CAMTA1: variants seen among roughly 807,000 people sequenced by gnomAD.
The protein encoded by CAMTA1 is calmodulin binding transcription activator 1.
In CAMTA1, 27 loss-of-function variants were observed where a neutral mutation model predicts 170.9. The ratio of observed to expected loss-of-function variants is 0.16; its 90% CI spans 0.12 to 0.22. CAMTA1 has a LOEUF of 0.22. Among genes scored for constraint, CAMTA1 ranks in the 10% least tolerant of loss-of-function variants. The pLI is 1.00. For synonymous variants in CAMTA1, 833 were observed against 891.5 expected (o/e 0.93, Z 1.17); for missense variants, 1,619 against 2,217.2 (o/e 0.73, Z 5.42).
intron 6 of CAMTA1, among the ~76,000 whole-genome samples, chr1:7,591,042 G>T (rs570761075): frequency 2.0e-5 from 3 of 152,166 alleles, no homozygotes; most frequent in Non-Finnish European, 4.4e-5. Flanking sequence ...ACTGACACTG[G>T]GTTCTCTGCG....
chr1:7,467,741 C>A (rs780865743), intron 5 of CAMTA1, 89 bp from the exon 6 acceptor site: 8 of 1,228,172 alleles, frequency 6.5e-6, no homozygotes, highest in Non-Finnish European at 7.2e-6. Flanking sequence ...CGGCTGTGGC[C>A]CCTTCTTGCT....
chr1:7,068,455 T>C (rs1040665786), intron 3 of CAMTA1, among the ~76,000 whole-genome samples: 8 of 152,040 alleles, frequency 5.3e-5, no homozygotes, highest in Non-Finnish European at 4.4e-5. Flanking sequence ...TGAGAAATTA[T>C]TGAAAGCCAA....
intron 21 of CAMTA1, among the ~76,000 whole-genome samples, chr1:7,753,356 C>T (rs1232093700): frequency 3.3e-5 from 5 of 152,292 alleles, no homozygotes; most frequent in South Asian, 4.1e-4. Context: ...TGCGGCCATC[C>T]GAGCTGGGTG....
At position 7,128,718 on chromosome 1, in the gene CAMTA1, G is replaced by A. The variant is rs188182063; in HGVS notation, c.302+37347G>A. ...CACCCAGGCTGGAGTGCAGTGGCAC[G>A]ATCTCAGCTCACTGCAGTCTCTGCC... On this transcript the variant is annotated intron_variant, in intron 4 of 22. Coordinates refer to ENST00000303635, the MANE Select transcript of CAMTA1 (RefSeq NM_015215.4). Among the ~76,000 whole-genome samples the A allele has an allele frequency of 2.3e-4, 35 of 151,236 alleles. 1 individual carries two copies. Among genetic ancestry groups the A allele is most frequent in the Admixed American group, 2.0e-3 (31 of 15,202 alleles).
intron 5 of CAMTA1, among the ~76,000 whole-genome samples, chr1:7,460,352 C>T (rs1043713960): frequency 5.3e-5 from 8 of 152,210 alleles, no homozygotes; most frequent in African/African-American, 1.4e-4. Flanking sequence ...CCTGCCCCCT[C>T]GGTACTCTGC....
At chr1:7,418,144 C>A (rs1158455692) in intron 5 of CAMTA1, among the ~76,000 whole-genome samples, 1 of 152,124 alleles carries the variant, frequency 6.6e-6, no homozygotes, top group African/African-American at 2.4e-5. Context: ...TTTCTCCCCG[C>A]TCTGGGATTC....
chr1:7,129,126 C>T (rs1340992814), intron 4 of CAMTA1, among the ~76,000 whole-genome samples: 1 of 152,118 alleles, frequency 6.6e-6, no homozygotes, highest in African/African-American at 2.4e-5. Flanking sequence ...GCATGAGCCA[C>T]CACGCCCAGC....
At chr1:7,100,690 T>C (rs1041828732) in intron 4 of CAMTA1, among the ~76,000 whole-genome samples, 1 of 152,220 alleles carries the variant, frequency 6.6e-6, no homozygotes, top group Non-Finnish European at 1.5e-5. Flanking sequence ...GGCGCTGGCC[T>C]CCTGTCCACC....
chr1:7,634,018 G>A lies in CAMTA1; in HGVS notation c.511-6382G>A, dbSNP rs1229217333. Among the ~76,000 whole-genome samples, 6 of 152,192 alleles carry A rather than the reference G, an allele frequency of 3.9e-5. No individual in the cohort carries two copies. The highest frequency in any genetic ancestry group is 6.5e-5 in the Admixed American group (1 of 15,282). ...GAGCCAGGTGCATGAGGCAGGCAGC[G>A]GCCAGCAAGAAGCACAGGTGGCCCG... is the stretch of plus-strand genomic sequence containing the variant. On this transcript the variant is annotated intron_variant, in intron 6 of 22. Transcript: ENST00000303635. The surrounding 1 kb of genome is among the most constrained non-coding windows in gnomAD (Gnocchi z 6.2).
chr1:7,558,723 C>G (rs770125426), intron 6 of CAMTA1, among the ~76,000 whole-genome samples: 7 of 152,230 alleles, frequency 4.6e-5, no homozygotes, highest in East Asian at 1.9e-4. Context: ...TCCGCCACCC[C>G]CTGTGTCTGC....
intron 6 of CAMTA1, among the ~76,000 whole-genome samples, chr1:7,527,010 C>G (rs1026941859): frequency 1.3e-5 from 2 of 152,122 alleles, no homozygotes; most frequent in East Asian, 3.9e-4. Flanking sequence ...TCTCCACCCC[C>G]ACGGCTATCA....
At chr1:6,960,238 A>C (rs1690136272) in intron 3 of CAMTA1, among the ~76,000 whole-genome samples, 1 of 152,190 alleles carries the variant, frequency 6.6e-6, no homozygotes, top group African/African-American at 2.4e-5. Context: ...AGGGGCAGAG[A>C]CCAGAGGAGT....
intron 3 of CAMTA1, among the ~76,000 whole-genome samples, chr1:7,023,597 C>T (rs1411598517): frequency 6.6e-6 from 1 of 151,942 alleles, no homozygotes; most frequent in Non-Finnish European, 1.5e-5. Flanking sequence ...TGGGATGAAA[C>T]AAGTGGTTTT....
At chr1:7,702,479 C>T (rs1324179787) in intron 11 of CAMTA1, among the ~76,000 whole-genome samples, 4 of 152,154 alleles carry the variant, frequency 2.6e-5, no homozygotes, top group Non-Finnish European at 4.4e-5. Flanking sequence ...CTTTAGAGTA[C>T]AGAGGCAGGC....
intron 6 of CAMTA1, among the ~76,000 whole-genome samples, chr1:7,537,831 C>T (rs769001126): frequency 5.3e-5 from 8 of 152,246 alleles, no homozygotes; most frequent in Non-Finnish European, 7.3e-5. Flanking sequence ...GGTTCAGTCT[C>T]GCCTTTTGGG....
At chr1:7,285,988 G>A (rs758617699) in intron 5 of CAMTA1, among the ~76,000 whole-genome samples, 2 of 152,228 alleles carry the variant, frequency 1.3e-5, no homozygotes, top group East Asian at 3.9e-4. Flanking sequence ...AGACCTGCCC[G>A]CTAGCATGCT....
chr1:7,663,824 A>C lies in CAMTA1; in HGVS notation c.1277A>C (p.Asp426Ala). ...AGPNHHLLSP[D>A]ASQGLVLAVS... ...CCCAACCACCACCTCCTCTCACCTG[A>C]CGCCTCTCAGGGCCTCGTCCTGGCC... The change falls in exon 9 of 23, where the codon GAC (aspartate) becomes GCC (alanine). Residue 426 changes from aspartate (D) to alanine (A), a missense_variant. Physicochemically the swap from Asp to Ala is moderately radical, Grantham distance 126 (BLOSUM62 -2). This residue lies in a region of CAMTA1 where 731 missense variants were observed against 907.6 expected (regional missense o/e 0.81). Transcript: ENST00000303635. 2.5e-6 allele frequency: 4 copies of C among 1,613,966 alleles called. No individual in the cohort carries two copies. Among genetic ancestry groups the C allele is most frequent in the Non-Finnish European group, 2.5e-6 (3 of 1,180,004 alleles).
intron 4 of CAMTA1, among the ~76,000 whole-genome samples, chr1:7,107,991 C>A (rs1432302098): frequency 6.6e-6 from 1 of 152,180 alleles, no homozygotes; most frequent in Non-Finnish European, 1.5e-5. Flanking sequence ...CACCCCCTCG[C>A]TCAGTCCCCA....
chr1:7,745,372 C>G (rs918141587), intron 17 of CAMTA1, among the ~76,000 whole-genome samples: 1 of 152,012 alleles, frequency 6.6e-6, no homozygotes, highest in Non-Finnish European at 1.5e-5. Flanking sequence ...ACTAAAAATA[C>G]AAAATTAGCC....
Sources: gnomAD v4.1 joint callset for allele counts (sites outside exome capture counted in the v4.1 genomes callset) on GRCh38, gnomAD v4.1.1 for gene constraint, gnomAD v4.1.1 regional missense constraint, Gnocchi (gnomAD v3.1) non-coding constraint, MANE v1.5 for transcripts, NCBI Gene and HGNC (gene_info 2026-07-23, HGNC 2026-07-21) for gene names.